The following RAVER2 variants were observed in gnomAD, a reference collection of about 807,000 sequenced individuals.
RAVER2 encodes ribonucleoprotein PTB-binding 2.
Under a neutral mutation model 78.1 loss-of-function variants are expected in RAVER2, and 46 were observed. The ratio of observed to expected loss-of-function variants is 0.59; its 90% CI spans 0.46 to 0.75. RAVER2 has a LOEUF of 0.75. Among genes scored for constraint, RAVER2 ranks in the 30% least tolerant of loss-of-function variants. RAVER2 has a pLI of 0.00. For synonymous variants in RAVER2, 311 were observed against 313.3 expected (o/e 0.99, Z 0.08); for missense variants, 793 against 837.5 (o/e 0.95, Z 0.66).
intron 11 of RAVER2, among the ~76,000 whole-genome samples, chr1:64,819,464 A>G (rs1653832838): frequency 6.6e-6 from 1 of 152,178 alleles, no homozygotes; most frequent in South Asian, 2.1e-4. Context: ...TAAAAGCACA[A>G]TGAACATATC....
At chr1:64,794,448 C>T (rs1653039396) in intron 5 of RAVER2, among the ~76,000 whole-genome samples, 1 of 151,104 alleles carries the variant, frequency 6.6e-6, no homozygotes, top group Non-Finnish European at 1.5e-5. Flanking sequence ...GTGGTTGAGC[C>T]ATTTTACATA....
intron 4 of RAVER2, among the ~76,000 whole-genome samples, chr1:64,786,519 G>C (rs534390137): frequency 1.6e-4 from 25 of 152,286 alleles, no homozygotes; most frequent in Middle Eastern, 3.4e-3. Flanking sequence ...GGCCAGGTGC[G>C]GTGGCTCTTG....
chr1:64,817,196 A>G (rs1243810740), intron 11 of RAVER2, among the ~76,000 whole-genome samples: 2 of 152,226 alleles, frequency 1.3e-5, no homozygotes, highest in Non-Finnish European at 2.9e-5. Flanking sequence ...AATCAAAACC[A>G]CAATGAGATA....
intron 8 of RAVER2, among the ~76,000 whole-genome samples, chr1:64,805,621 A>C (rs941615499): frequency 6.6e-6 from 1 of 152,222 alleles, no homozygotes; most frequent in African/African-American, 2.4e-5. Flanking sequence ...AAACAGAAGC[A>C]TGGTGTTATA....
At chr1:64,805,004 T>C (rs1438744443) in exon 8 of RAVER2, 1 of 1,613,954 alleles carries the variant, frequency 6.2e-7, no homozygotes, top group East Asian at 2.2e-5. Flanking sequence ...CCCGGCTTAC[T>C]TGGAGAGCCC....
intron 2 of RAVER2, among the ~76,000 whole-genome samples, chr1:64,776,390 A>C (rs920943417): frequency 2.0e-5 from 3 of 152,108 alleles, no homozygotes; most frequent in Non-Finnish European, 4.4e-5. Flanking sequence ...TTAAATGAAA[A>C]ATGTGTTTCT....
exon 12 of RAVER2, chr1:64,830,913 T>C: frequency 6.2e-7 from 1 of 1,613,852 alleles, no homozygotes; most frequent in Non-Finnish European, 8.5e-7. Context: ...CAGTGGAATG[T>C]GTTGACCAGC....
At chr1:64,812,636 T>C in intron 9 of RAVER2, 102 bp from the exon 10 acceptor site, 1 of 656,068 alleles carries the variant, frequency 1.5e-6, no homozygotes, top group South Asian at 2.4e-5. Context: ...AAATATTTCA[T>C]AAGTACACTA....
chr1:64,812,277 G>T (rs1025555737), intron 9 of RAVER2, among the ~76,000 whole-genome samples: 1 of 147,334 alleles, frequency 6.8e-6, no homozygotes, highest in African/African-American at 2.6e-5. Flanking sequence ...CAGGAGAATC[G>T]CTTGAACCTG....
chr1:64,763,354 A>G (rs543423661), intron 1 of RAVER2, among the ~76,000 whole-genome samples: 43 of 152,302 alleles, frequency 2.8e-4, no homozygotes, highest in African/African-American at 8.9e-4. Context: ...AAAATAGATG[A>G]AAGATTACAA....
intron 1 of RAVER2, among the ~76,000 whole-genome samples, chr1:64,747,643 G>C (rs1370848414): frequency 6.6e-6 from 1 of 151,940 alleles, no homozygotes; most frequent in Non-Finnish European, 1.5e-5. Context: ...CTCCCAAGTA[G>C]CTGGGATTAC....
At chr1:64,801,684 A>C (rs1212498893) in intron 5 of RAVER2, among the ~76,000 whole-genome samples, 2 of 152,040 alleles carry the variant, frequency 1.3e-5, no homozygotes, top group Non-Finnish European at 2.9e-5. Flanking sequence ...CCTGGCCAAC[A>C]TGGTGAAACC....
chr1:64,785,526 G>A (rs537356556), intron 4 of RAVER2, among the ~76,000 whole-genome samples: 283 of 151,988 alleles, frequency 1.9e-3, no homozygotes, highest in Admixed American at 2.9e-3. Context: ...GCACCACCAC[G>A]TCCAGCTAAT....
At chr1:64,819,653 G>A (rs984151722) in intron 11 of RAVER2, among the ~76,000 whole-genome samples, 57 of 152,206 alleles carry the variant, frequency 3.7e-4, no homozygotes, top group African/African-American at 1.3e-3. Context: ...CTGCAAAGCA[G>A]GATAAATAAA....
chr1:64,766,391 C>T (rs1475065008), intron 1 of RAVER2, among the ~76,000 whole-genome samples: 2 of 152,134 alleles, frequency 1.3e-5, no homozygotes, highest in Admixed American at 1.3e-4. Flanking sequence ...ATTTGGCCAA[C>T]TTACCAAGGC....
Position 64,777,616 on chromosome 1 carries a change from C to A in RAVER2, c.317-7C>A. On this transcript the variant is annotated splice_polypyrimidine_tract_variant and splice_region_variant and intron_variant, in intron 2 of 11. Coordinates refer to ENST00000294428, the Ensembl canonical transcript of RAVER2. The stretch of plus-strand genomic sequence containing the variant: ...AAAACTCTTTAATTCATTTCGTTAT[C>A]TTCCAGCTTTTGTTACCTTATTGAA... 1 of 1,589,684 alleles carries A rather than the reference C, an allele frequency of 6.3e-7. No homozygotes were observed. The highest frequency in any genetic ancestry group is 8.6e-7 in the Non-Finnish European group (1 of 1,166,776).
intron 2 of RAVER2, among the ~76,000 whole-genome samples, chr1:64,769,965 G>T (rs549581353): frequency 6.6e-6 from 1 of 151,782 alleles, no homozygotes; most frequent in African/African-American, 2.4e-5. Context: ...TTGGGTTAAC[G>T]CAACATTGTT....
chr1:64,763,762 G>A (rs1652090403), intron 1 of RAVER2, among the ~76,000 whole-genome samples: 1 of 152,012 alleles, frequency 6.6e-6, no homozygotes, highest in East Asian at 1.9e-4. Context: ...AATTAGCTGG[G>A]CATGGTGATG....
chr1:64,786,991 A>G (rs922615122), intron 4 of RAVER2, among the ~76,000 whole-genome samples: 3 of 152,200 alleles, frequency 2.0e-5, no homozygotes, highest in Non-Finnish European at 4.4e-5. Context: ...TAAAGTGTTT[A>G]GAACAATGCC....
Sources: allele counts gnomAD v4.1 joint callset (sites outside exome capture counted in the v4.1 genomes callset), GRCh38; gene constraint gnomAD v4.1.1; transcripts MANE v1.5; gene names NCBI Gene and HGNC (gene_info 2026-07-23, HGNC 2026-07-21).